Variants in NGEF observed in about 807,000 individuals in gnomAD.
NGEF encodes ephexin-1.
A neutral mutation model predicts 80.9 loss-of-function variants in NGEF; 31 were observed. The observed-to-expected ratio is 0.38, with a 90% CI of 0.29 to 0.52. The LOEUF (loss-of-function observed/expected upper bound fraction) is 0.52. Ranked by LOEUF, NGEF falls within the 20% of genes least tolerant of loss-of-function variation. NGEF has a pLI of 0.84. For missense variants in NGEF, 709 were observed against 926.2 expected, an observed-to-expected ratio of 0.77 and a Z score of 3.04; for synonymous variants, 371 against 370.2, an observed-to-expected ratio of 1.00 and a Z score of -0.03.
At chr2:232,889,679 T>C (rs1691814404) in intron 8 of NGEF, among the ~76,000 whole-genome samples, 1 of 152,252 alleles carries the variant, frequency 6.6e-6, no homozygotes, top group African/African-American at 2.4e-5. Context: ...CACAGGTGTC[T>C]TCCGGTTTGG....
At chr2:232,895,642 T>C (rs139361347) in intron 5 of NGEF, among the ~76,000 whole-genome samples, 10 of 152,158 alleles carry the variant, frequency 6.6e-5, no homozygotes, top group African/African-American at 2.2e-4. Flanking sequence ...GGAGGAATCC[T>C]GTTCCTCCAC....
At chr2:233,001,696 G>A (rs1008467327) in intron 1 of NGEF, among the ~76,000 whole-genome samples, 1 of 152,176 alleles carries the variant, frequency 6.6e-6, no homozygotes, top group East Asian at 1.9e-4. Flanking sequence ...CCTGGCCAAC[G>A]TGCGAAACCC....
intron 14 of NGEF, among the ~76,000 whole-genome samples, chr2:232,880,335 C>T (rs540632754): frequency 5.1e-4 from 77 of 152,326 alleles, no homozygotes; most frequent in African/African-American, 1.8e-3. Flanking sequence ...TAGCATATCC[C>T]AACCTGGGAG....
intron 3 of NGEF, among the ~76,000 whole-genome samples, chr2:232,943,737 C>T (rs1052973985): frequency 2.7e-5 from 4 of 150,276 alleles, no homozygotes; most frequent in South Asian, 2.1e-4. Flanking sequence ...CCTCGTGATC[C>T]GCCCGCCTCA....
chr2:233,002,195 C>A (rs181042557), intron 1 of NGEF, among the ~76,000 whole-genome samples: 1 of 151,792 alleles, frequency 6.6e-6, no homozygotes, highest in African/African-American at 2.4e-5. Context: ...AGGAGGGACA[C>A]GAGTCAAACG....
intron 3 of NGEF, among the ~76,000 whole-genome samples, chr2:232,965,428 T>C (rs1405351983): frequency 6.6e-6 from 1 of 152,096 alleles, no homozygotes; most frequent in Non-Finnish European, 1.5e-5. Context: ...GAGAAGACAG[T>C]GACACAGAGA....
chr2:232,892,758 C>T lies in NGEF; in HGVS notation c.1142+140G>A. On this transcript the variant is annotated intron_variant, in intron 7 of 14. Coordinates refer to ENST00000264051, the MANE Select transcript of NGEF (RefSeq NM_019850.3). This position sits in a 1 kb window ranked among gnomAD's most constrained non-coding sequence, Gnocchi z 4.0. ...CACTGTCACCAGTATCCCTGGCCAA[C>T]TCCGGTGGCTCATGTGGACCTTGGG... 1.1e-6 allele frequency: 1 copy of T among 915,150 alleles called. No homozygotes were observed. The highest frequency in any genetic ancestry group is 1.7e-6 in the Non-Finnish European group (1 of 596,266). 56.7% of individuals were successfully genotyped at this position (915,150 alleles called of 1,614,324 possible). A position where few individuals can be genotyped will look rare whatever the true frequency, so the allele number is the denominator to read the frequency against.
intron 3 of NGEF, among the ~76,000 whole-genome samples, chr2:232,929,716 T>A (rs924453136): frequency 6.6e-5 from 10 of 152,214 alleles, no homozygotes; most frequent in Non-Finnish European, 1.2e-4. Flanking sequence ...GCCATCTCCA[T>A]CTGGCCATCC....
chr2:232,955,650 C>T (rs1427005507), intron 3 of NGEF, among the ~76,000 whole-genome samples: 1 of 152,188 alleles, frequency 6.6e-6, no homozygotes, highest in East Asian at 1.9e-4. Flanking sequence ...TCCCGAGTAG[C>T]TGGGATTACA....
chr2:232,901,380 A>ATCCAGGGTTCGCC, intron 5 of NGEF: 1 of 985,398 alleles, frequency 1.0e-6, no homozygotes, highest in African/African-American at 1.7e-5. Flanking sequence ...TCTCCTTATG[A>ATCCAGGGTTCGCC]TCCAGGGTTC....
intron 3 of NGEF, among the ~76,000 whole-genome samples, chr2:232,962,961 T>G (rs1034205898): frequency 6.6e-5 from 10 of 151,980 alleles, no homozygotes; most frequent in Non-Finnish European, 1.2e-4. Flanking sequence ...AGTTAACGTA[T>G]GCATTAAACC....
Position 232,879,146 on chromosome 2 carries a change from T to C in NGEF, c.*343A>G, listed in dbSNP as rs1691396380. On this transcript the variant is annotated 3_prime_UTR_variant, in exon 15 of 15. Transcript: ENST00000264051. ...TGCCTCCCACAGGGACACTCTGGGTTGGGAGCCTCTTCCAGTCCCTGGGGG... is the reference window on the plus strand; with the variant it reads ...TGCCTCCCACAGGGACACTCTGGGTCGGGAGCCTCTTCCAGTCCCTGGGGG... 2 of 215,682 alleles carry C rather than the reference T, an allele frequency of 9.3e-6. No homozygotes were observed. The highest frequency in any genetic ancestry group is 9.2e-6 in the Non-Finnish European group (1 of 108,548). The allele number at this position is 215,682 out of a possible 1,614,324, so 13.4% of individuals were successfully genotyped here. A position where few individuals can be genotyped will look rare whatever the true frequency, so the allele number is the denominator to read the frequency against.
rs1397119026 is a variant in NGEF, at chr2:232,995,253, TATGTGTA to T, written c.-75+17808_-75+17814del. ...TGCTGTGTACAGTATGTATACTGTA[TATGTGTA>T]CAGTATGTATGCTGTGTACAGTATG... On this transcript the variant is annotated intron_variant, in intron 1 of 14. Transcript: ENST00000264051. Among the ~76,000 whole-genome samples, 18 of 31,584 alleles carry T rather than the reference TATGTGTA, an allele frequency of 5.7e-4. 6 individuals carry two copies. The highest frequency in any genetic ancestry group is 9.8e-4 in the Non-Finnish European group (16 of 16,294). The allele number at this position is 31,584 out of a possible 152,430, so 20.7% of individuals were successfully genotyped here. A position where few individuals can be genotyped will look rare whatever the true frequency, so the allele number is the denominator to read the frequency against.
chr2:232,978,549 G>A (rs186519107), intron 1 of NGEF, among the ~76,000 whole-genome samples: 7 of 152,018 alleles, frequency 4.6e-5, no homozygotes, highest in African/African-American at 1.7e-4. Flanking sequence ...AATAACTTGC[G>A]GTATAATTTA....
chr2:232,894,680 G>T, intron 6 of NGEF, 76 bp downstream of exon 6: 1 of 1,346,172 alleles, frequency 7.4e-7, no homozygotes, highest in Non-Finnish European at 1.0e-6. Context: ...TCGAGCACTT[G>T]TCATCAGTGT....
At chr2:232,923,913 G>A (rs748422916) in intron 4 of NGEF, among the ~76,000 whole-genome samples, 11 of 152,042 alleles carry the variant, frequency 7.2e-5, no homozygotes, top group Non-Finnish European at 1.2e-4. Flanking sequence ...CACTGCCTCC[G>A]TGAGAGGGAT....
rs577826944 is a variant in NGEF at position 233,002,827 on chromosome 2, C to A, written c.-75+10241G>T. Among the ~76,000 whole-genome samples, 4 of 152,326 alleles carry A rather than the reference C, an allele frequency of 2.6e-5. No homozygotes were observed. In the South Asian group the frequency reaches 8.3e-4, roughly 32 times the overall value. ...TGTCAGCCTGGTCCACTGTGAGTGG[C>A]AGCAACAGCATTTGTGAACTTTAAT... On this transcript the variant is annotated intron_variant, in intron 1 of 14. Coordinates refer to ENST00000264051, the MANE Select transcript of NGEF (RefSeq NM_019850.3).
intron 5 of NGEF, among the ~76,000 whole-genome samples, chr2:232,914,263 T>TA (rs762178625): frequency 1.3e-5 from 2 of 152,332 alleles, no homozygotes; most frequent in East Asian, 1.9e-4. Flanking sequence ...GCTCTAGACT[T>TA]ACGCTGATCA....
rs879191228 is a variant in NGEF, at chr2:232,880,979, C to T, written c.1942+167G>A. Among the ~76,000 whole-genome samples, 9 of 152,180 alleles carry T rather than the reference C, an allele frequency of 5.9e-5. No homozygotes were observed. In the East Asian group the frequency reaches 1.7e-3, roughly 29 times the overall value. ...TTCCTCCTTTACACTGAAGAGAGGC[C>T]AGTGAAGCCAGCATGGGCAGTGTCC... is the stretch of plus-strand genomic sequence containing the variant. On this transcript the variant is annotated intron_variant, in intron 14 of 14. Coordinates refer to ENST00000264051, the MANE Select transcript of NGEF (RefSeq NM_019850.3).
Sources: gnomAD v4.1 joint callset for allele counts (sites outside exome capture counted in the v4.1 genomes callset) on GRCh38, gnomAD v4.1.1 for gene constraint, Gnocchi (gnomAD v3.1) non-coding constraint, MANE v1.5 for transcripts, NCBI Gene and HGNC (gene_info 2026-07-23, HGNC 2026-07-21) for gene names.